The following COL4A4 variants were observed in gnomAD, a reference collection of about 807,000 sequenced individuals.
COL4A4 encodes collagen alpha-4(IV) chain.
COL4A4 carries 105 observed loss-of-function variants against 192.9 expected under a neutral mutation model. That is an observed-to-expected ratio of 0.54 (90% CI 0.46 to 0.64). COL4A4 has a LOEUF of 0.64. Among genes scored for constraint, COL4A4 ranks in the 30% least tolerant of loss-of-function variants. The pLI is 0.00. For missense variants in COL4A4, 1,967 were observed against 2,169.3 expected, an observed-to-expected ratio of 0.91 and a Z score of 1.85; for synonymous variants, 762 against 769.9, an observed-to-expected ratio of 0.99 and a Z score of 0.17.
chr2:227,064,308 G>T (rs1426059940), intron 25 of COL4A4, among the ~76,000 whole-genome samples: 3 of 152,120 alleles, frequency 2.0e-5, no homozygotes, highest in Non-Finnish European at 2.9e-5. Flanking sequence ...AGAACAAAAA[G>T]AATTTCAGAG....
Position 227,123,780 on chromosome 2 carries a change from G to C in COL4A4, c.193-2632C>G, listed in dbSNP as rs1056397128. 2.6e-5 allele frequency among the ~76,000 whole-genome samples: 4 copies of C among 152,184 alleles called. No homozygotes were observed. The highest frequency in any genetic ancestry group is 4.8e-5 in the African/African-American group (2 of 41,448). ...AAGACGTGTGGGACCCCAAAAGCAC[G>C]TGCAAGCTGCCAGCAAAGTCCATCT... On this transcript the variant is annotated intron_variant, in intron 4 of 47. Transcript: ENST00000396625. This position sits in a 1 kb window ranked among gnomAD's most constrained non-coding sequence, Gnocchi z 4.6.
intron 16 of COL4A4, 138 bp downstream of exon 16, chr2:227,101,726 TA>T: frequency 1.9e-6 from 2 of 1,049,604 alleles, no homozygotes; most frequent in African/African-American, 1.6e-5. Flanking sequence ...CACCCACAGC[TA>T]AATCCTGCAA....
At chr2:226,993,116 G>A in the COL4A4 span, among the ~76,000 whole-genome samples, 1 of 152,232 alleles carries the variant, frequency 6.6e-6, no homozygotes, top group Non-Finnish European at 1.5e-5. Context: ...CTCCTTTTGA[G>A]AGCTGGACCT....
intron 15 of COL4A4, 139 bp from the exon 16 acceptor site, chr2:227,102,048 A>G: frequency 1.7e-6 from 1 of 603,158 alleles, no homozygotes; most frequent in Non-Finnish European, 2.9e-6. Context: ...AAAAGGAAAT[A>G]AATATAAAAT....
chr2:227,049,436 C>G (rs1286628410), intron 34 of COL4A4, among the ~76,000 whole-genome samples: 1 of 152,210 alleles, frequency 6.6e-6, no homozygotes. Flanking sequence ...GCTGCTTTCA[C>G]ACTATAACAA....
intron 37 of COL4A4, among the ~76,000 whole-genome samples, chr2:227,041,066 G>A (rs988047977): frequency 6.6e-6 from 1 of 151,744 alleles, no homozygotes. Context: ...ATTCTTGATC[G>A]AAAAAAGATG....
intron 44 of COL4A4, among the ~76,000 whole-genome samples, chr2:227,015,424 G>T (rs766687187): frequency 6.6e-6 from 1 of 152,082 alleles, no homozygotes; most frequent in South Asian, 2.1e-4. Flanking sequence ...TCAGGTCTGG[G>T]GGGGACCTCA....
chr2:227,109,178 T>C, intron 10 of COL4A4, 46 bp downstream of exon 10: 1 of 1,554,732 alleles, frequency 6.4e-7, no homozygotes, highest in Non-Finnish European at 8.9e-7. Context: ...TATTTTCATG[T>C]AGAATCTGGT....
intron 27 of COL4A4, 60 bp downstream of exon 27, chr2:227,060,075 AG>A: frequency 9.8e-7 from 1 of 1,020,670 alleles, no homozygotes; most frequent in South Asian, 1.4e-5. Flanking sequence ...AATGTTAAAA[AG>A]TTCCTGATAG....
chr2:227,010,475 C>T lies in COL4A4; in HGVS notation c.4360G>A (p.Gly1454Arg). The change falls in exon 46 of 48, where the codon GGG becomes AGG. Residue 1454 changes from glycine to arginine, a missense_variant. Physicochemically the swap from Gly to Arg is moderately radical, Grantham distance 125 (BLOSUM62 -2). Transcript: ENST00000396625. ...PGPPGPIGDP[G>R]PKGFGPGYLG... ...TATCCAGGGCCAAACCCTTTGGGCCCAGGATCCCCAATGGGACCAGGAGGC... is the reference window on the plus strand; with the variant it reads ...TATCCAGGGCCAAACCCTTTGGGCCTAGGATCCCCAATGGGACCAGGAGGC... The T allele has an allele frequency of 1.3e-6, 2 of 1,592,032 alleles. No homozygotes were observed. The highest frequency in any genetic ancestry group is 2.3e-5 in the South Asian group (2 of 87,882).
At chr2:227,105,062 T>C (rs1559635106) in intron 12 of COL4A4, among the ~76,000 whole-genome samples, 1 of 151,932 alleles carries the variant, frequency 6.6e-6, no homozygotes, top group African/African-American at 2.4e-5. Flanking sequence ...CAGAATACTA[T>C]AATAAATATA....
rs758871958 is a variant in COL4A4, at chr2:227,121,198, C to T, written c.193-50G>A. 28 of 1,596,052 alleles carry T rather than the reference C, an allele frequency of 1.8e-5. No individual in the cohort carries two copies. In the Admixed American group the frequency reaches 4.3e-4, roughly 24 times the overall value. ...TGGGGGTGCAATTCTTAATTACTGT[C>T]TTCTAACACAAACATATACTCATTC... is the stretch of plus-strand genomic sequence containing the variant. On this transcript the variant is annotated intron_variant, in intron 4 of 47. Transcript: ENST00000396625.
At chr2:227,120,560 C>A (rs970557200) in intron 5 of COL4A4, among the ~76,000 whole-genome samples, 3 of 151,930 alleles carry the variant, frequency 2.0e-5, no homozygotes, top group Non-Finnish European at 4.4e-5. Flanking sequence ...TGGAAAGGGG[C>A]CAAAAATGAG....
intron 3 of COL4A4, among the ~76,000 whole-genome samples, chr2:227,143,189 C>A (rs756548736): frequency 8.4e-4 from 128 of 152,300 alleles, no homozygotes; most frequent in Non-Finnish European, 1.3e-3. Context: ...ATACATATGC[C>A]TATCCATCAG....
chr2:227,132,735 C>T (rs531725966), intron 4 of COL4A4, among the ~76,000 whole-genome samples: 1 of 152,170 alleles, frequency 6.6e-6, no homozygotes, highest in East Asian at 1.9e-4. Context: ...AAGATTGCAC[C>T]ACTGCACTCC....
intron 47 of COL4A4, 39 bp from the exon 48 acceptor site, chr2:227,007,627 CACAG>C: frequency 3.7e-6 from 6 of 1,611,812 alleles, no homozygotes; most frequent in Non-Finnish European, 5.1e-6. Flanking sequence ...CTCAGACACA[CACAG>C]ACAACCCCAG....
Position 227,030,566 on chromosome 2 carries a change from C to A in COL4A4, c.3850G>T (p.Val1284Phe). ...APGPPGLPGS[V>F]DLLRGEPGDC... is the part of the protein sequence containing the mutation. ...CCTGGCTCCCCTCTCAGAAGGTCAA[C>A]ACTCCCAGGGAGGCCTGGAGGCCCA... The change falls in exon 41 of 48, where the codon GTT (valine) becomes TTT (phenylalanine). Residue 1284 changes from valine to phenylalanine, a missense_variant. By Grantham distance (50) the Val-to-Phe change is conservative. Transcript: ENST00000396625. 6.2e-7 allele frequency: 1 copy of A among 1,613,734 alleles called. No homozygotes were observed. Among genetic ancestry groups the A allele is most frequent in the Admixed American group, 1.7e-5 (1 of 59,966 alleles).
chr2:227,101,466 CT>C (rs2060518013), intron 17 of COL4A4, 37 bp downstream of exon 17: 1 of 1,505,798 alleles, frequency 6.6e-7, no homozygotes, highest in Admixed American at 1.8e-5. Flanking sequence ...AGGATATAAA[CT>C]TTTATCAGGA....
chr2:227,033,529 T>C, intron 37 of COL4A4, 48 bp from the exon 38 acceptor site: 1 of 1,535,478 alleles, frequency 6.5e-7, no homozygotes, highest in Non-Finnish European at 9.0e-7. Flanking sequence ...CAGCCACCGG[T>C]ACTCACTCTA....
Sources: allele counts gnomAD v4.1 joint callset (sites outside exome capture counted in the v4.1 genomes callset), GRCh38; gene constraint gnomAD v4.1.1; non-coding constraint Gnocchi (gnomAD v3.1); transcripts MANE v1.5; gene names NCBI Gene and HGNC (gene_info 2026-07-23, HGNC 2026-07-21).